The following NOX1 variants were observed in gnomAD, a reference collection of about 807,000 sequenced individuals.
NOX1 encodes the protein NADH/NADPH mitogenic oxidase subunit P65-MOX.
In NOX1, 34 loss-of-function variants were observed where a neutral mutation model predicts 42.5. That is an observed-to-expected ratio of 0.80 (90% confidence interval 0.61 to 1.07). The LOEUF is 1.07. NOX1 is among the 50% of genes least tolerant of loss of function. The pLI is 0.00. For missense variants in NOX1, 408 were observed against 427.0 expected (o/e 0.96, Z 0.39); for synonymous variants, 143 against 152.5 (o/e 0.94, Z 0.46).
chrX:100,866,138 C>T (rs913489856), intron 2 of NOX1, among the ~76,000 whole-genome samples: 1 of 108,975 alleles, frequency 9.2e-6, no homozygotes, highest in Non-Finnish European at 1.9e-5. Context: ...AGGAAAATCG[C>T]TTGATCCCAG....
intron 7 of NOX1, among the ~76,000 whole-genome samples, chrX:100,860,750 T>C (rs1256025323): frequency 9.0e-6 from 1 of 111,432 alleles, no homozygotes; most frequent in Non-Finnish European, 1.9e-5. Context: ...TTATTTACAA[T>C]GGGAATTTTT....
chrX:100,863,536 G>A lies in NOX1; in HGVS notation c.201C>T (p.Ile67=). The change falls in exon 3 of 13, where the codon ATC becomes ATT. Residue 67 remains isoleucine, a synonymous_variant. Transcript: ENST00000372966. ...ALCLNFNSTL[I]LLPVCRNLLS... is the part of the protein sequence containing the mutation. ...GCAGATTGCGACACACAGGAAGCAG[G>A]ATCAGCGTGCTGTTAAAATTCAAGC... 8.3e-7 allele frequency: 1 copy of A among 1,211,080 alleles called. No homozygotes were observed. The highest frequency in any genetic ancestry group is 1.1e-6 in the Non-Finnish European group (1 of 895,462).
chrX:100,843,512 A>G lies in NOX1; in HGVS notation c.*440T>C. 1.9e-6 allele frequency: 2 copies of G among 1,035,896 alleles called. No homozygotes were observed. The highest frequency in any genetic ancestry group is 5.2e-5 in the South Asian group (2 of 38,198). 85.4% of individuals were successfully genotyped at this position (1,035,896 alleles called of 1,213,427 possible). On this transcript the variant is annotated 3_prime_UTR_variant, in exon 13 of 13. Coordinates refer to ENST00000372966, the MANE Select transcript of NOX1 (RefSeq NM_007052.5). ...ATTATGTTTTATCATTAATTATTCA[A>G]TAAATTTTTATTTAAAAAGTCACCC... is the stretch of plus-strand genomic sequence containing the variant.
Position 100,843,584 on chromosome X carries a change from C to G in NOX1, c.*368G>C, listed in dbSNP as rs2085051374. On this transcript the variant is annotated 3_prime_UTR_variant, in exon 13 of 13. Transcript: ENST00000372966. ...GGTGGGAGGGACAAAAGATTACAAA[C>G]CAAAACTCAGGAGATGGTAACACTG... The G allele has an allele frequency of 4.3e-6, 3 of 701,152 alleles. No homozygotes were observed. Among genetic ancestry groups the G allele is most frequent in the East Asian group, 4.2e-5 (1 of 23,959 alleles). The allele number at this position is 701,152 out of a possible 1,213,427, so 57.8% of individuals were successfully genotyped here.
rs1602391750 is a variant in NOX1 at position 100,864,024 on chromosome X, C to T, written c.142-429G>A. Among the ~76,000 whole-genome samples, 3 of 112,224 alleles carry T rather than the reference C, an allele frequency of 2.7e-5. No homozygotes were observed. In the South Asian group the frequency reaches 1.1e-3, roughly 42 times the overall value. On this transcript the variant is annotated intron_variant, in intron 2 of 12. Coordinates refer to ENST00000372966, the MANE Select transcript of NOX1 (RefSeq NM_007052.5). The stretch of plus-strand genomic sequence containing the variant: ...TTTCTTTTTGAGACAAGGTCTGGCA[C>T]TATTGCCCAGGCTGGAGTGCAGTGG...
rs1318914625 is a variant in NOX1 at position 100,849,861 on chromosome X, C to G, written c.1207G>C (p.Ala403Pro). The G allele has an allele frequency of 4.1e-6, 5 of 1,210,970 alleles. No individual in the cohort carries two copies. In the Admixed American group the frequency reaches 8.7e-5, roughly 21 times the overall value. ...GCAAAGGGGGTGACCCCAATTCCTG[C>G]TCCAACCAGCACAGCCACTTCATAC... is the stretch of plus-strand genomic sequence containing the variant. ...FQYEVAVLVG[A>P]GIGVTPFASI... Residue 403 changes from alanine (A) to proline (P), a missense_variant, in exon 10 of 13, where the codon GCA (alanine) becomes CCA (proline). Physicochemically the swap from Ala to Pro is conservative, Grantham distance 27. Coordinates refer to ENST00000372966, the MANE Select transcript of NOX1 (RefSeq NM_007052.5).
chrX:100,849,508 G>A (rs1186544113), intron 10 of NOX1, 82 bp from the exon 11 acceptor site: 4 of 1,006,882 alleles, frequency 4.0e-6, no homozygotes, highest in Non-Finnish European at 5.4e-6. Flanking sequence ...TAGGCAGCAG[G>A]AATGTTCAGA....
chrX:100,866,116 G>A (rs2085234908), intron 2 of NOX1, among the ~76,000 whole-genome samples: 1 of 109,959 alleles, frequency 9.1e-6, no homozygotes, highest in African/African-American at 3.3e-5. Context: ...CTGCTACTTG[G>A]GAGACTGAGG....
chrX:100,864,112 C>G (rs1023899330), intron 2 of NOX1, among the ~76,000 whole-genome samples: 1 of 111,653 alleles, frequency 9.0e-6, no homozygotes. Context: ...ACCTCAGCCT[C>G]CTGAGTAGCT....
chrX:100,843,347 A>C lies in NOX1; in HGVS notation c.*605T>G. On this transcript the variant is annotated 3_prime_UTR_variant, in exon 13 of 13. Transcript: ENST00000372966. Reference sequence around the variant, plus strand: ...CATCAAGTGAAGAAGAAAATCCTTTATTTTTTGATGAGCAAAAATAAGAAT... The same window carrying C: ...CATCAAGTGAAGAAGAAAATCCTTTCTTTTTTGATGAGCAAAAATAAGAAT... 1 of 1,089,705 alleles carries C rather than the reference A, an allele frequency of 9.2e-7. No individual in the cohort carries two copies. The highest frequency in any genetic ancestry group is 1.2e-6 in the Non-Finnish European group (1 of 841,650). The allele number at this position is 1,089,705 out of a possible 1,213,427, so 89.8% of individuals were successfully genotyped here.
intron 7 of NOX1, among the ~76,000 whole-genome samples, chrX:100,860,322 G>T (rs1212094939): frequency 1.8e-5 from 2 of 111,836 alleles, no homozygotes; most frequent in Non-Finnish European, 3.8e-5. Flanking sequence ...AAGTATATTT[G>T]TGGAATAAAT....
At position 100,849,819 on chromosome X, in the gene NOX1, T is replaced by A. The variant is rs1478765127; in HGVS notation, c.1249A>T (p.Ile417Phe). 7.4e-6 allele frequency: 9 copies of A among 1,209,955 alleles called. No homozygotes were observed. The highest frequency in any genetic ancestry group is 2.3e-4 in the Middle Eastern group (1 of 4,369). The stretch of plus-strand genomic sequence containing the variant: ...TCTGCACACTGGAATTTGTACCAGA[T>A]GGATTTCAAGATAGAAGCAAAGGGG... Reference protein sequence around the residue: ...VTPFASILKSIWYKFQCADHN... With the variant: ...VTPFASILKSFWYKFQCADHN... Residue 417 changes from isoleucine to phenylalanine, a missense_variant, in exon 10 of 13, where the codon ATC becomes TTC. By Grantham distance (21) the Ile-to-Phe change is conservative. Transcript: ENST00000372966.
At chrX:100,864,217 T>A (rs2147917605) in intron 2 of NOX1, among the ~76,000 whole-genome samples, 1 of 111,961 alleles carries the variant, frequency 8.9e-6, no homozygotes, top group South Asian at 3.7e-4. Context: ...CTGGAACTCC[T>A]GAGCTCAAGA....
intron 2 of NOX1, among the ~76,000 whole-genome samples, chrX:100,867,581 A>C (rs1214793145): frequency 9.0e-6 from 1 of 111,723 alleles, no homozygotes; most frequent in Non-Finnish European, 1.9e-5. Context: ...TGGCATATTA[A>C]TTAGCCAGGC....
chrX:100,856,627 C>T (rs750043687), intron 7 of NOX1, among the ~76,000 whole-genome samples: 71 of 109,949 alleles, frequency 6.5e-4, no homozygotes, highest in African/African-American at 2.3e-3. Flanking sequence ...GGCTGGAGTG[C>T]GGTGGTGCCA....
intron 2 of NOX1, among the ~76,000 whole-genome samples, chrX:100,868,679 T>C (rs189813814): frequency 7.2e-5 from 8 of 111,631 alleles, no homozygotes; most frequent in African/African-American, 2.6e-4. Flanking sequence ...GACAGCAGTG[T>C]TTTCAAGTTG....
intron 7 of NOX1, among the ~76,000 whole-genome samples, chrX:100,857,046 C>T (rs966452441): frequency 9.0e-6 from 1 of 111,517 alleles, no homozygotes; most frequent in African/African-American, 3.3e-5. Context: ...TCTCCATTCT[C>T]AAGTAGGCCC....
At position 100,862,210 on chromosome X, in the gene NOX1, G is replaced by A. The variant is rs36092450; in HGVS notation, c.765C>T (p.Ser255=). The A allele has an allele frequency of 1.7e-3, 2,076 of 1,209,990 alleles. 28 individuals are homozygous for A. The African/African-American group carries it at 0.031, about 18-fold the overall frequency. The change falls in exon 7 of 13, where the codon TCC becomes TCT. Residue 255 remains serine (S), a synonymous_variant. Transcript: ENST00000372966. ...CTTCAAACTTAGGGCGCCTACAGTG[G>A]GAGTCACGATCATCCCACATCTCAA... is the stretch of plus-strand genomic sequence containing the variant. ...ESFEMWDDRD[S]HCRRPKFEGH...
chrX:100,855,910 C>T (rs766685704), intron 7 of NOX1: 34 of 1,173,346 alleles, frequency 2.9e-5, no homozygotes, highest in East Asian at 8.9e-5. Context: ...ATCTTATCCA[C>T]GGAGTCATGG....
Sources: allele counts gnomAD v4.1 joint callset (sites outside exome capture counted in the v4.1 genomes callset), GRCh38; gene constraint gnomAD v4.1.1; transcripts MANE v1.5; gene names NCBI Gene and HGNC (gene_info 2026-07-23, HGNC 2026-07-21).